CHD8: variants seen among roughly 807,000 people sequenced by gnomAD.
CHD8 encodes chromodomain helicase DNA binding protein 8.
A neutral mutation model predicts 279.2 loss-of-function variants in CHD8; 31 were observed. That is an observed-to-expected ratio of 0.11 (90% confidence interval 0.08 to 0.15). The LOEUF is 0.15. Among genes scored for constraint, CHD8 ranks in the 10% least tolerant of loss-of-function variants. The probability of loss-of-function intolerance (pLI) is 1.00; values close to 1 mark genes in which losing one functional copy is unlikely to be tolerated. For synonymous variants in CHD8, 1,081 were observed against 1,139.6 expected (o/e 0.95, Z 1.04); for missense variants, 2,146 against 3,230.5 (o/e 0.66, Z 8.14).
At position 21,419,835 on chromosome 14, in the gene CHD8, A is replaced by G. The variant is rs17105113; in HGVS notation, c.1717-3928T>C. ...AACATCCCCGAGGGATCTGCCCACCATTCCTGGGGTCACCAGCCCTGCCAG... is the reference window on the plus strand; with the variant it reads ...AACATCCCCGAGGGATCTGCCCACCGTTCCTGGGGTCACCAGCCCTGCCAG... On this transcript the variant is annotated intron_variant, in intron 5 of 37. Coordinates refer to ENST00000646647, the MANE Select transcript of CHD8 (RefSeq NM_001170629.2). The G allele has an allele frequency of 1.0e-2, 3,720 of 372,928 alleles. 143 individuals are homozygous for G. The highest frequency in any genetic ancestry group is 0.076 in the African/African-American group (3,424 of 45,104). 23.1% of individuals were successfully genotyped at this position (372,928 alleles called of 1,614,324 possible). A position where few individuals can be genotyped will look rare whatever the true frequency, so the allele number is the denominator to read the frequency against.
Position 21,385,495 on chromosome 14 carries a change from C to T in CHD8, c.*118G>A. 2.9e-6 allele frequency: 4 copies of T among 1,389,938 alleles called. No homozygotes were observed. The highest frequency in any genetic ancestry group is 3.7e-6 in the Non-Finnish European group (4 of 1,067,952). 86.1% of individuals were successfully genotyped at this position (1,389,938 alleles called of 1,614,324 possible). ...ATTTTTTTTTTTTTTTCCTTTTCAC[C>T]TCCTGGAGTCCTGGACTTCCCCACA... is the stretch of plus-strand genomic sequence containing the variant. On this transcript the variant is annotated 3_prime_UTR_variant, in exon 38 of 38. Coordinates refer to ENST00000646647, the MANE Select transcript of CHD8 (RefSeq NM_001170629.2).
At chr14:21,421,596 T>C (rs537441118) in intron 5 of CHD8, among the ~76,000 whole-genome samples, 1 of 152,322 alleles carries the variant, frequency 6.6e-6, no homozygotes, top group Non-Finnish European at 1.5e-5. Context: ...AATTTTTCTA[T>C]ATATTGAAAC....
At position 21,408,899 on chromosome 14, in the gene CHD8, T is replaced by C. The variant is rs1888363513; in HGVS notation, c.2365-74A>G. ...GTAAGACTTACTAGGTAAGTTCTAA[T>C]AGTTAAAATCAATTCAAAACAACAT... On this transcript the variant is annotated intron_variant, in intron 11 of 37. Coordinates refer to ENST00000646647, the MANE Select transcript of CHD8 (RefSeq NM_001170629.2). This position sits in a 1 kb window ranked among gnomAD's most constrained non-coding sequence, Gnocchi z 4.3. 1 of 1,433,286 alleles carries C rather than the reference T, an allele frequency of 7.0e-7. No homozygotes were observed. Among genetic ancestry groups the C allele is most frequent in the South Asian group, 1.3e-5 (1 of 76,874 alleles). 88.8% of individuals were successfully genotyped at this position (1,433,286 alleles called of 1,614,324 possible).
Position 21,408,883 on chromosome 14 carries a change from A to AC in CHD8, c.2365-59dup. ...GAGACATTATCAAAAGGTAAGACTT[A>AC]CTAGGTAAGTTCTAATAGTTAAAAT... On this transcript the variant is annotated intron_variant, in intron 11 of 37. Coordinates refer to ENST00000646647, the MANE Select transcript of CHD8 (RefSeq NM_001170629.2). The surrounding 1 kb of genome is among the most constrained non-coding windows in gnomAD (Gnocchi z 4.3). 4 of 1,537,512 alleles carry AC rather than the reference A, an allele frequency of 2.6e-6. No individual in the cohort carries two copies. The highest frequency in any genetic ancestry group is 3.5e-6 in the Non-Finnish European group (4 of 1,132,268).
At position 21,385,814 on chromosome 14, in the gene CHD8, G is replaced by C; in HGVS notation, c.7545C>G (p.Gly2515=). Reference sequence around the variant, plus strand: ...CGGTAGTCACTGGTGAAGAGGGGTAGCCAGGGGCTCTCAAGCCTGGATGGT... The same window carrying C: ...CGGTAGTCACTGGTGAAGAGGGGTACCCAGGGGCTCTCAAGCCTGGATGGT... ...HHHHPGLRAP[G]YPSSPVTTAS... The change falls in exon 38 of 38, where the codon GGC becomes GGG. Residue 2515 remains glycine, a synonymous_variant. Coordinates refer to ENST00000646647, the MANE Select transcript of CHD8 (RefSeq NM_001170629.2). 1.9e-6 allele frequency: 3 copies of C among 1,549,844 alleles called. No individual in the cohort carries two copies. Among genetic ancestry groups the C allele is most frequent in the Non-Finnish European group, 2.6e-6 (3 of 1,146,680 alleles).
chr14:21,426,061 C>T, intron 5 of CHD8, 67 bp downstream of exon 5: 1 of 929,278 alleles, frequency 1.1e-6, no homozygotes, highest in Non-Finnish European at 1.7e-6. Flanking sequence ...TTCTCAATAT[C>T]TGCTTGGCTT....
intron 37 of CHD8, 108 bp from the exon 38 acceptor site, chr14:21,386,284 T>C: frequency 9.4e-7 from 1 of 1,065,034 alleles, no homozygotes; most frequent in Non-Finnish European, 1.3e-6. Flanking sequence ...GAATGTACCT[T>C]AGAAGAGGCA....
intron 10 of CHD8, among the ~76,000 whole-genome samples, chr14:21,410,396 A>G (rs1015475814): frequency 1.1e-4 from 17 of 152,232 alleles, no homozygotes; most frequent in African/African-American, 4.1e-4. Context: ...GATGAGGACT[A>G]TCAGCTTATA....
chr14:21,415,482 G>A, intron 7 of CHD8, 92 bp downstream of exon 7: 4 of 720,840 alleles, frequency 5.5e-6, no homozygotes, highest in South Asian at 1.2e-4. Flanking sequence ...TTTAGCCTGG[G>A]TAACACAGTT....
chr14:21,408,567 C>T lies in CHD8; in HGVS notation c.2487-12G>A, dbSNP rs774816806. 2 of 1,595,378 alleles carry T rather than the reference C, an allele frequency of 1.3e-6. No homozygotes were observed. Among genetic ancestry groups the T allele is most frequent in the Middle Eastern group, 3.4e-4 (2 of 5,966 alleles). ...GGATGCAGTTCTGCCTGCAGATTCA[C>T]CATGGGAAAAAAAAAATGTTAAAAG... On this transcript the variant is annotated splice_polypyrimidine_tract_variant and intron_variant, in intron 12 of 37. Coordinates refer to ENST00000646647, the MANE Select transcript of CHD8 (RefSeq NM_001170629.2). This position sits in a 1 kb window ranked among gnomAD's most constrained non-coding sequence, Gnocchi z 4.3.
chr14:21,425,998 T>A (rs1373706553), intron 5 of CHD8, 130 bp downstream of exon 5: 1 of 614,762 alleles, frequency 1.6e-6, no homozygotes, highest in Non-Finnish European at 2.9e-6. Flanking sequence ...TCCACCTTAT[T>A]TAGGCCTACG....
chr14:21,452,391 C>G (rs1010022893), intron 1 of CHD8, among the ~76,000 whole-genome samples: 3 of 151,846 alleles, frequency 2.0e-5, no homozygotes, highest in African/African-American at 7.2e-5. Flanking sequence ...GCTTGTAATC[C>G]TGGCACTTTG....
At position 21,385,515 on chromosome 14, in the gene CHD8, CCCA is replaced by C. The variant is rs1887184586; in HGVS notation, c.*95_*97del. ...TTCACCTCCTGGAGTCCTGGACTTC[CCCA>C]CATCTCCCCTGCCCCTCCCACGTTT... On this transcript the variant is annotated 3_prime_UTR_variant, in exon 38 of 38. Transcript: ENST00000646647. 2 of 1,432,704 alleles carry C rather than the reference CCCA, an allele frequency of 1.4e-6. No homozygotes were observed. The highest frequency in any genetic ancestry group is 1.4e-5 in the African/African-American group (1 of 69,446). The allele number at this position is 1,432,704 out of a possible 1,614,324, so 88.7% of individuals were successfully genotyped here.
chr14:21,408,856 T>A lies in CHD8; in HGVS notation c.2365-31A>T, dbSNP rs202188781. ...AAACAAGACGTTTGAATAAATGGAG[T>A]GGAGACATTATCAAAAGGTAAGACT... On this transcript the variant is annotated intron_variant, in intron 11 of 37. Transcript: ENST00000646647. The surrounding 1 kb of genome is among the most constrained non-coding windows in gnomAD (Gnocchi z 4.3). 254 of 1,589,220 alleles carry A rather than the reference T, an allele frequency of 1.6e-4. 1 individual carries two copies. The highest frequency in any genetic ancestry group is 2.1e-4 in the Non-Finnish European group (242 of 1,167,236).
chr14:21,441,808 G>A (rs1172280454), intron 1 of CHD8, among the ~76,000 whole-genome samples: 1 of 152,218 alleles, frequency 6.6e-6, no homozygotes, highest in Non-Finnish European at 1.5e-5. Context: ...AGAATGGCAT[G>A]AACCCGGGAG....
chr14:21,401,943 T>C lies in CHD8; in HGVS notation c.4062+14A>G, dbSNP rs779876258. On this transcript the variant is annotated intron_variant, in intron 20 of 37. Transcript: ENST00000646647. Reference sequence around the variant, plus strand: ...CTCTGTGTTTTTCTAGCCTCTGGCATAGACAGAACATGCCTTAGCAAAGGT... The same window carrying C: ...CTCTGTGTTTTTCTAGCCTCTGGCACAGACAGAACATGCCTTAGCAAAGGT... 1.6e-5 allele frequency: 25 copies of C among 1,599,962 alleles called. No homozygotes were observed. The East Asian group carries it at 2.2e-4, about 14-fold the overall frequency.
Position 21,394,611 on chromosome 14 carries a change from A to C in CHD8, c.5391-126T>G, listed in dbSNP as rs1887695156. On this transcript the variant is annotated intron_variant, in intron 30 of 37. Coordinates refer to ENST00000646647, the MANE Select transcript of CHD8 (RefSeq NM_001170629.2). Reference sequence around the variant, plus strand: ...CAAAAATTGAAAGTAGACGCAAAAAAAAAAAAAAAAAAAGGCCCAGAAGAG... The same window carrying C: ...CAAAAATTGAAAGTAGACGCAAAAACAAAAAAAAAAAAAGGCCCAGAAGAG... The C allele has an allele frequency of 5.5e-6, 3 of 549,748 alleles. No homozygotes were observed. The Admixed American group carries it at 1.1e-4, about 19-fold the overall frequency. 34.1% of individuals were successfully genotyped at this position (549,748 alleles called of 1,614,324 possible). A position where few individuals can be genotyped will look rare whatever the true frequency, so the allele number is the denominator to read the frequency against.
rs56697268 is a variant in CHD8 at position 21,403,920 on chromosome 14, G to A, written c.3308-257C>T. On this transcript the variant is annotated intron_variant, in intron 16 of 37. Coordinates refer to ENST00000646647, the MANE Select transcript of CHD8 (RefSeq NM_001170629.2). This position sits in a 1 kb window ranked among gnomAD's most constrained non-coding sequence, Gnocchi z 4.3. Reference sequence around the variant, plus strand: ...TCGAGACCAGTCTGGCCAACATGGTGAAACCCCGTCTCTACTAACAATACA... The same window carrying A: ...TCGAGACCAGTCTGGCCAACATGGTAAAACCCCGTCTCTACTAACAATACA... 2.9e-3 allele frequency among the ~76,000 whole-genome samples: 439 copies of A among 152,210 alleles called. 2 individuals are homozygous for A. Among genetic ancestry groups the A allele is most frequent in the African/African-American group, 0.01 (421 of 41,534 alleles).
intron 7 of CHD8, 120 bp downstream of exon 7, chr14:21,415,454 T>G: frequency 2.0e-6 from 1 of 487,812 alleles, no homozygotes; most frequent in Non-Finnish European, 3.2e-6. Flanking sequence ...CGATCATATC[T>G]ATGAATAGCC....
Sources: allele counts gnomAD v4.1 joint callset (sites outside exome capture counted in the v4.1 genomes callset), GRCh38; gene constraint gnomAD v4.1.1; non-coding constraint Gnocchi (gnomAD v3.1); transcripts MANE v1.5; gene names NCBI Gene and HGNC (gene_info 2026-07-23, HGNC 2026-07-21).